The following SOS2 variants were observed in gnomAD, a reference collection of about 807,000 sequenced individuals.
The protein encoded by SOS2 is SOS Ras/Rho guanine nucleotide exchange factor 2, also known as son of sevenless homolog 2.
A neutral mutation model predicts 148.2 loss-of-function variants in SOS2; 65 were observed. The observed-to-expected ratio is 0.44, with a 90% confidence interval of 0.36 to 0.54. The LOEUF is 0.54. SOS2 is among the 20% of genes least tolerant of loss of function. The pLI, the probability that SOS2 is intolerant of heterozygous loss-of-function variation, is 0.00. For synonymous variants in SOS2, 539 were observed against 537.1 expected (o/e 1.00, Z -0.05); for missense variants, 1,341 against 1,590.2 (o/e 0.84, Z 2.67).
Position 50,201,003 on chromosome 14 carries a change from G to A in SOS2, c.295C>T (p.Arg99Ter). 2.5e-6 allele frequency: 4 copies of A among 1,613,818 alleles called. No individual in the cohort carries two copies. Among genetic ancestry groups the A allele is most frequent in the Non-Finnish European group, 3.4e-6 (4 of 1,179,876 alleles). The change falls in exon 3 of 23, where the codon CGA (arginine) becomes TGA (stop). Residue 99 changes from arginine to a stop codon, truncating the protein, a stop_gained. Transcript: ENST00000216373. LOFTEE classifies it high-confidence loss of function. Reference sequence around the variant, plus strand: ...ACAGGCAGTAAAAGAGGATTTCTTCGTTTTCGTTTTTCTATAGCAGATTGT... The same window carrying A: ...ACAGGCAGTAAAAGAGGATTTCTTCATTTTCGTTTTTCTATAGCAGATTGT... ...DAQSAIEKRKRRNPLLLPVDK... is the reference protein window; with the variant it reads ...DAQSAIEKRK
chr14:50,147,252 G>C (rs1347836805), intron 14 of SOS2, among the ~76,000 whole-genome samples: 1 of 151,762 alleles, frequency 6.6e-6, no homozygotes, highest in Non-Finnish European at 1.5e-5. Context: ...GCTCACACCT[G>C]TAATCCTGGC....
chr14:50,198,956 C>G (rs1886397516), intron 4 of SOS2, among the ~76,000 whole-genome samples: 1 of 152,148 alleles, frequency 6.6e-6, no homozygotes. Flanking sequence ...GAGTTCAAGA[C>G]CAGCCTGGGC....
At chr14:50,230,796 A>AG (rs1390855770) in intron 1 of SOS2, 1 of 651,720 alleles carries the variant, frequency 1.5e-6, no homozygotes, top group Non-Finnish European at 1.9e-6. Context: ...CAAACCGCCT[A>AG]GGGGGAACAC....
rs1185819106 is a variant in SOS2, at chr14:50,205,791, G to A, written c.88-1382C>T. On this transcript the variant is annotated intron_variant, in intron 1 of 22. Coordinates refer to ENST00000216373, the MANE Select transcript of SOS2 (RefSeq NM_006939.4). ...CAAAATTAGCTGGGTGTGGTGGCAC[G>A]TGTCTGTAATCCCAGCTACTAAGGA... 2.6e-5 allele frequency among the ~76,000 whole-genome samples: 4 copies of A among 152,016 alleles called. No individual in the cohort carries two copies. The East Asian group carries it at 5.8e-4, about 22-fold the overall frequency.
intron 21 of SOS2, among the ~76,000 whole-genome samples, chr14:50,123,806 T>A (rs1883600451): frequency 6.6e-6 from 1 of 152,194 alleles, no homozygotes; most frequent in South Asian, 2.1e-4. Context: ...CTTACTGTAA[T>A]AAACAAGGTA....
In SOS2 at chr14:50,159,572, C is replaced by G. The variant is rs770543029; in HGVS notation, c.1711G>C (p.Glu571Gln). 6.2e-7 allele frequency: 1 copy of G among 1,613,934 alleles called. No homozygotes were observed. Among genetic ancestry groups the G allele is most frequent in the Non-Finnish European group, 8.5e-7 (1 of 1,179,942 alleles). Residue 571 changes from glutamate to glutamine, a missense_variant, in exon 10 of 23, where the codon GAA becomes CAA. Glu to Gln is a conservative substitution (Grantham distance 29). Around this residue, in one of 4 missense-constraint regions of SOS2, gnomAD observed 574 missense variants for 711.1 expected, o/e 0.81. Transcript: ENST00000216373. Reference protein sequence around the residue: ...NEQPLRLPSPEVYRFVVKDSE... With the variant: ...NEQPLRLPSPQVYRFVVKDSE... ...TCTTTTACTACAAAACGATATACTT[C>G]AGGACTTGGTAATCTCAGTGGTTGC...
chr14:50,198,674 A>T (rs1036634778), intron 4 of SOS2, among the ~76,000 whole-genome samples: 1 of 152,092 alleles, frequency 6.6e-6, no homozygotes, highest in African/African-American at 2.4e-5. Flanking sequence ...ACCCTGAGAG[A>T]GTTTCATTTA....
chr14:50,204,876 C>T (rs548002166), intron 1 of SOS2, among the ~76,000 whole-genome samples: 1 of 143,966 alleles, frequency 6.9e-6, no homozygotes, highest in Non-Finnish European at 1.5e-5. Context: ...ATGCTAAGCA[C>T]CCCACCTTTT....
intron 2 of SOS2, among the ~76,000 whole-genome samples, chr14:50,202,566 T>C (rs1291929999): frequency 6.6e-6 from 1 of 152,060 alleles, no homozygotes; most frequent in East Asian, 1.9e-4. Context: ...AGACCCTGTC[T>C]CTACAAAAAA....
Position 50,160,027 on chromosome 14 carries a change from T to C in SOS2, c.1256A>G (p.Lys419Arg), listed in dbSNP as rs199998698. ...QLRSKHLAIKKMNEIQKNIDG... is the reference protein window; with the variant it reads ...QLRSKHLAIKRMNEIQKNIDG... ...GATATTTTTCTGAATTTCATTCATT[T>C]TTTTGATAGCCAGGTGTTTGCTTCT... The change falls in exon 10 of 23, where the codon AAA (lysine) becomes AGA (arginine). Residue 419 changes from lysine (K) to arginine (R), a missense_variant. Transcript: ENST00000216373. 4 of 1,613,988 alleles carry C rather than the reference T, an allele frequency of 2.5e-6. No individual in the cohort carries two copies. The South Asian group carries it at 3.3e-5, about 13-fold the overall frequency.
chr14:50,144,395 A>C (rs1000832230), intron 16 of SOS2, among the ~76,000 whole-genome samples: 2 of 152,010 alleles, frequency 1.3e-5, no homozygotes, highest in African/African-American at 4.8e-5. Context: ...CTGAATTTTC[A>C]ATAGTACATG....
In SOS2 at chr14:50,165,404, C is replaced by A. The variant is rs189455975; in HGVS notation, c.1069-3795G>T. On this transcript the variant is annotated intron_variant, in intron 8 of 22. Coordinates refer to ENST00000216373, the MANE Select transcript of SOS2 (RefSeq NM_006939.4). ...TGACTCCCGCAAATAAATAAGGACA[C>A]ACACACCCGCGCACACACTGTTCTC... 4.7e-4 allele frequency among the ~76,000 whole-genome samples: 72 copies of A among 152,256 alleles called. 2 individuals carry two copies. Among genetic ancestry groups the A allele is most frequent in the African/African-American group, 1.7e-3 (71 of 41,552 alleles).
Position 50,216,978 on chromosome 14 carries a change from T to TA in SOS2, c.88-12570dup, listed in dbSNP as rs576901920. Among the ~76,000 whole-genome samples, 494 of 152,190 alleles carry TA rather than the reference T, an allele frequency of 3.2e-3. 1 individual carries two copies. The highest frequency in any genetic ancestry group is 6.8e-3 in the Middle Eastern group (2 of 294). On this transcript the variant is annotated intron_variant, in intron 1 of 22. Transcript: ENST00000216373. ...GTTGATTAAAACATTCTCATGGAAA[T>TA]ACAAAGGTCCTAGAATAACTGAAAC...
chr14:50,156,916 T>C (rs1056106638), intron 12 of SOS2, 83 bp downstream of exon 12: 2 of 768,952 alleles, frequency 2.6e-6, no homozygotes, highest in Non-Finnish European at 4.0e-6. Flanking sequence ...GTTAACTATA[T>C]ATTGAAAACT....
At chr14:50,214,700 C>CTTTTT (rs755314459) in intron 1 of SOS2, among the ~76,000 whole-genome samples, 6 of 131,238 alleles carry the variant, frequency 4.6e-5, no homozygotes, top group Non-Finnish European at 6.7e-5. Flanking sequence ...AAGGCCGTTT[C>CTTTTT]TTTTTTTTTT....
chr14:50,174,783 T>G (rs887056937), intron 7 of SOS2, among the ~76,000 whole-genome samples: 1 of 152,218 alleles, frequency 6.6e-6, no homozygotes, highest in Non-Finnish European at 1.5e-5. Flanking sequence ...GTGGCTAAAA[T>G]AGCTTTCACA....
intron 1 of SOS2, chr14:50,215,504 C>T: frequency 8.1e-7 from 1 of 1,230,718 alleles, no homozygotes; most frequent in Non-Finnish European, 1.0e-6. Flanking sequence ...AAAGCCTAGT[C>T]AGAAAAAGAG....
chr14:50,211,109 C>A (rs1161423278), intron 1 of SOS2, among the ~76,000 whole-genome samples: 1 of 151,884 alleles, frequency 6.6e-6, no homozygotes, highest in East Asian at 1.9e-4. Flanking sequence ...AGACGCTAGC[C>A]TCATGTGGGT....
At chr14:50,125,199 C>T (rs974608543) in intron 21 of SOS2, among the ~76,000 whole-genome samples, 2 of 151,992 alleles carry the variant, frequency 1.3e-5, no homozygotes, top group Non-Finnish European at 2.9e-5. Context: ...AGAAACATAC[C>T]GCGAGAAGAC....
Sources: gnomAD v4.1 joint callset for allele counts (sites outside exome capture counted in the v4.1 genomes callset) on GRCh38, gnomAD v4.1.1 for gene constraint, gnomAD v4.1.1 regional missense constraint, MANE v1.5 for transcripts, NCBI Gene and HGNC (gene_info 2026-07-23, HGNC 2026-07-21) for gene names.